The following CCDC148 variants were observed in gnomAD, a reference collection of about 807,000 sequenced individuals.
CCDC148 encodes the protein coiled-coil domain containing 148.
Under a neutral mutation model 85.7 loss-of-function variants are expected in CCDC148, and 89 were observed. The ratio of observed to expected loss-of-function variants is 1.04; its 90% CI spans 0.87 to 1.24. The LOEUF (loss-of-function observed/expected upper bound fraction) is 1.24, where lower values mean the gene tolerates loss of function less well. Ranked by LOEUF, CCDC148 falls within the 50% of genes most tolerant of loss-of-function variation. CCDC148 has a pLI of 0.00. For synonymous variants in CCDC148, 230 were observed against 213.9 expected, an observed-to-expected ratio of 1.08 and a Z score of -0.66; for missense variants, 692 against 671.7, an observed-to-expected ratio of 1.03 and a Z score of -0.33.
At chr2:158,255,417 T>C (rs1688971752) in intron 9 of CCDC148, among the ~76,000 whole-genome samples, 1 of 151,702 alleles carries the variant, frequency 6.6e-6, no homozygotes, top group African/African-American at 2.4e-5. Flanking sequence ...AAACAACTTT[T>C]AAGAATGCAC....
intron 11 of CCDC148, among the ~76,000 whole-genome samples, chr2:158,217,038 T>G (rs1208774381): frequency 6.6e-6 from 1 of 152,084 alleles, no homozygotes; most frequent in Non-Finnish European, 1.5e-5. Context: ...GTCAACCGAT[T>G]CTAGAGCCTT....
intron 1 of CCDC148, among the ~76,000 whole-genome samples, chr2:158,446,891 T>C (rs1688178743): frequency 6.6e-6 from 1 of 152,204 alleles, no homozygotes; most frequent in Non-Finnish European, 1.5e-5. Flanking sequence ...TGGCTTTTTC[T>C]CTCTTGGCAT....
At chr2:158,313,262 T>C (rs79952661) in intron 8 of CCDC148, among the ~76,000 whole-genome samples, 10,831 of 152,270 alleles carry the variant, frequency 0.071, 540 homozygotes, top group South Asian at 0.11. Context: ...GTGTTTCAGA[T>C]CCAACTAGGA....
At chr2:158,191,667 A>G (rs1055764989) in intron 11 of CCDC148, among the ~76,000 whole-genome samples, 1 of 151,988 alleles carries the variant, frequency 6.6e-6, no homozygotes, top group Admixed American at 6.6e-5. Context: ...GCTTTCTCAA[A>G]TGCTGATTTC....
chr2:158,339,592 A>G (rs1682566137), intron 5 of CCDC148, among the ~76,000 whole-genome samples: 1 of 152,220 alleles, frequency 6.6e-6, no homozygotes, highest in Non-Finnish European at 1.5e-5. Flanking sequence ...TAATAAAAAA[A>G]TATGTAAGAA....
intron 9 of CCDC148, among the ~76,000 whole-genome samples, chr2:158,302,643 G>A (rs1691497700): frequency 6.6e-6 from 1 of 152,126 alleles, no homozygotes; most frequent in Admixed American, 6.5e-5. Context: ...AATTAGCTGG[G>A]TGTGGTGGCA....
intron 9 of CCDC148, among the ~76,000 whole-genome samples, chr2:158,307,030 A>C (rs984529755): frequency 1.2e-4 from 18 of 151,666 alleles, no homozygotes; most frequent in Non-Finnish European, 2.5e-4. Flanking sequence ...AAAAAAAAAA[A>C]AAATAGTTAT....
intron 11 of CCDC148, among the ~76,000 whole-genome samples, chr2:158,179,296 T>C (rs1222608765): frequency 4.7e-5 from 7 of 148,990 alleles, no homozygotes; most frequent in South Asian, 4.3e-4. Context: ...GTAGCTGGGA[T>C]TACAGGTACC....
At chr2:158,306,655 A>C (rs565689319) in intron 9 of CCDC148, among the ~76,000 whole-genome samples, 1 of 151,920 alleles carries the variant, frequency 6.6e-6, no homozygotes, top group African/African-American at 2.4e-5. Context: ...AGGAAGGGGA[A>C]CATCACACAC....
At chr2:158,204,283 G>T (rs1475470585) in intron 11 of CCDC148, among the ~76,000 whole-genome samples, 1 of 152,076 alleles carries the variant, frequency 6.6e-6, no homozygotes, top group Non-Finnish European at 1.5e-5. Context: ...TTTCAAATAG[G>T]ATCACAAATT....
At chr2:158,366,608 C>T (rs1684215509) in intron 1 of CCDC148, among the ~76,000 whole-genome samples, 1 of 152,098 alleles carries the variant, frequency 6.6e-6, no homozygotes, top group South Asian at 2.1e-4. Flanking sequence ...CCGGGGCAGC[C>T]CGTACCCAGT....
chr2:158,316,794 G>A (rs1692301619), intron 7 of CCDC148, among the ~76,000 whole-genome samples: 1 of 152,152 alleles, frequency 6.6e-6, no homozygotes, highest in South Asian at 2.1e-4. Flanking sequence ...CGTATATACT[G>A]AGCCTTTGAA....
rs1692150246 is a variant in CCDC148 at position 158,313,748 on chromosome 2, G to A, written c.903+8C>T. Reference sequence around the variant, plus strand: ...ACTTGCCAGTATGTAGGTAGGTCCAGTACTCACCAAATCATGCCTAGATTT... The same window carrying A: ...ACTTGCCAGTATGTAGGTAGGTCCAATACTCACCAAATCATGCCTAGATTT... On this transcript the variant is annotated splice_region_variant and intron_variant, in intron 8 of 13. Coordinates refer to ENST00000283233, the MANE Select transcript of CCDC148 (RefSeq NM_138803.4). 4.3e-6 allele frequency: 7 copies of A among 1,613,098 alleles called. No individual in the cohort carries two copies. Among genetic ancestry groups the A allele is most frequent in the Non-Finnish European group, 5.1e-6 (6 of 1,179,502 alleles).
chr2:158,289,700 A>G (rs190999920), intron 9 of CCDC148, among the ~76,000 whole-genome samples: 2 of 152,366 alleles, frequency 1.3e-5, no homozygotes, highest in East Asian at 3.9e-4. Context: ...AGAAACACAT[A>G]TTCTATATTG....
intron 11 of CCDC148, among the ~76,000 whole-genome samples, chr2:158,188,290 A>C (rs1399192270): frequency 6.6e-6 from 1 of 152,054 alleles, no homozygotes; most frequent in African/African-American, 2.4e-5. Flanking sequence ...TGAAACTTTG[A>C]GCAATAGAAC....
chr2:158,418,360 C>G (rs1241332606), intron 1 of CCDC148, among the ~76,000 whole-genome samples: 1 of 151,946 alleles, frequency 6.6e-6, no homozygotes, highest in Admixed American at 6.6e-5. Context: ...ACTCTAAGTC[C>G]AATATAATAA....
chr2:158,176,920 T>G lies in CCDC148; in HGVS notation c.1489-259A>C, dbSNP rs58534643. On this transcript the variant is annotated intron_variant, in intron 12 of 13. Transcript: ENST00000283233. Reference sequence around the variant, plus strand: ...TTGCTAATGATTGAATAATTATAATTAATTTCAGAAAACAATTTATCTTTC... The same window carrying G: ...TTGCTAATGATTGAATAATTATAATGAATTTCAGAAAACAATTTATCTTTC... Among the ~76,000 whole-genome samples, 728 of 152,210 alleles carry G rather than the reference T, an allele frequency of 4.8e-3. 3 individuals are homozygous for G. Among genetic ancestry groups the G allele is most frequent in the African/African-American group, 0.017 (691 of 41,554 alleles).
chr2:158,239,367 T>G (rs1019550675), intron 10 of CCDC148, among the ~76,000 whole-genome samples: 4 of 142,908 alleles, frequency 2.8e-5, no homozygotes, highest in African/African-American at 7.6e-5. Context: ...GGTAGAAAGA[T>G]TCCATCAGCT....
At position 158,198,199 on chromosome 2, in the gene CCDC148, T is replaced by A. The variant is rs866900244; in HGVS notation, c.1371-19203A>T. Among the ~76,000 whole-genome samples the A allele has an allele frequency of 5.3e-5, 8 of 152,268 alleles. No homozygotes were observed. In the South Asian group the frequency reaches 1.5e-3, roughly 28 times the overall value. Reference sequence around the variant, plus strand: ...CACCTGACTCATCCCTGGCACCCCCTACCTGGTTTAAGTGCTACTTCCGTG... The same window carrying A: ...CACCTGACTCATCCCTGGCACCCCCAACCTGGTTTAAGTGCTACTTCCGTG... On this transcript the variant is annotated intron_variant, in intron 11 of 13. Transcript: ENST00000283233.
Sources: allele counts gnomAD v4.1 joint callset (sites outside exome capture counted in the v4.1 genomes callset), GRCh38; gene constraint gnomAD v4.1.1; transcripts MANE v1.5; gene names NCBI Gene and HGNC (gene_info 2026-07-23, HGNC 2026-07-21).